CADPS2: variants seen among roughly 807,000 people sequenced by gnomAD.
CADPS2 encodes calcium-dependent secretion activator 2.
CADPS2 carries 93 observed loss-of-function variants against 172.5 expected under a neutral mutation model. The observed-to-expected ratio is 0.54, with a 90% CI of 0.46 to 0.64. The LOEUF is 0.64. CADPS2 is among the 30% of genes least tolerant of loss of function. CADPS2 has a pLI of 0.00. For synonymous variants in CADPS2, 546 were observed against 555.2 expected (o/e 0.98, Z 0.23); for missense variants, 1,420 against 1,565.9 (o/e 0.91, Z 1.57).
chr7:122,763,602 T>G (rs1278493680), intron 1 of CADPS2, among the ~76,000 whole-genome samples: 1 of 152,178 alleles, frequency 6.6e-6, no homozygotes, highest in Non-Finnish European at 1.5e-5. Context: ...TTAAGGGTCT[T>G]TGTCCATTTT....
intron 2 of CADPS2, among the ~76,000 whole-genome samples, chr7:122,720,332 G>A (rs2090209563): frequency 6.6e-6 from 1 of 151,766 alleles, no homozygotes; most frequent in Admixed American, 6.6e-5. Context: ...TAGTATTAAT[G>A]CTGTAATTGT....
chr7:122,320,760 G>C (rs2032263293), intron 29 of CADPS2, among the ~76,000 whole-genome samples: 1 of 152,070 alleles, frequency 6.6e-6, no homozygotes, highest in African/African-American at 2.4e-5. Context: ...TTAATTTTGA[G>C]GGGTCAGTTG....
chr7:122,702,511 T>C, intron 2 of CADPS2: 1 of 1,613,632 alleles, frequency 6.2e-7, no homozygotes, highest in Non-Finnish European at 8.5e-7. Flanking sequence ...TCTGATTCCA[T>C]CCTTCAGGAA....
chr7:122,614,881 T>C (rs1051225839), intron 6 of CADPS2, among the ~76,000 whole-genome samples: 4 of 152,326 alleles, frequency 2.6e-5, no homozygotes, highest in Admixed American at 6.5e-5. Flanking sequence ...AAATAACACA[T>C]GGTGATAAAA....
intron 17 of CADPS2, among the ~76,000 whole-genome samples, chr7:122,433,754 T>C (rs567027220): frequency 6.6e-6 from 1 of 152,334 alleles, no homozygotes; most frequent in South Asian, 2.1e-4. Context: ...GTATATTTCC[T>C]AGAGTTGCCG....
chr7:122,390,030 C>T (rs530336642), intron 22 of CADPS2, among the ~76,000 whole-genome samples: 1 of 152,054 alleles, frequency 6.6e-6, no homozygotes, highest in Non-Finnish European at 1.5e-5. Context: ...CTGGCCTCAG[C>T]GTCAAAGCTC....
In CADPS2 at chr7:122,653,002, C is replaced by CT. The variant is rs2079340794; in HGVS notation, c.786+10234dup. Among the ~76,000 whole-genome samples the CT allele has an allele frequency of 2.0e-5, 3 of 152,074 alleles. No individual in the cohort carries two copies. In the South Asian group the frequency reaches 6.2e-4, roughly 31 times the overall value. Reference sequence around the variant, plus strand: ...ATAGCCTTTTTCAGAAGAGAGTTTCCTGTTTTTCCACTCCTGATGCTAATC... The same window carrying CT: ...ATAGCCTTTTTCAGAAGAGAGTTTCCTTGTTTTTCCACTCCTGATGCTAATC... On this transcript the variant is annotated intron_variant, in intron 3 of 29. Transcript: ENST00000449022.
At chr7:122,604,125 C>T (rs576093639) in intron 6 of CADPS2, among the ~76,000 whole-genome samples, 2 of 152,194 alleles carry the variant, frequency 1.3e-5, no homozygotes, top group African/African-American at 4.8e-5. Context: ...CCTTATCTTT[C>T]ATTCAATGTA....
intron 6 of CADPS2, among the ~76,000 whole-genome samples, chr7:122,603,034 C>A (rs10282152): frequency 6.6e-6 from 1 of 151,770 alleles, no homozygotes; most frequent in Non-Finnish European, 1.5e-5. Context: ...GATCCTTTGA[C>A]GGCTACACTT....
At chr7:122,426,600 T>C (rs141768842) in intron 17 of CADPS2, among the ~76,000 whole-genome samples, 1 of 152,370 alleles carries the variant, frequency 6.6e-6, no homozygotes, top group Non-Finnish European at 1.5e-5. Flanking sequence ...ATAAACCCTG[T>C]TGATAAATAC....
At chr7:122,566,138 G>A (rs1295023264) in intron 7 of CADPS2, among the ~76,000 whole-genome samples, 1 of 152,092 alleles carries the variant, frequency 6.6e-6, no homozygotes, top group Non-Finnish European at 1.5e-5. Context: ...AAATCCTACT[G>A]CATATATGAA....
At chr7:122,590,116 A>C (rs2070530287) in intron 6 of CADPS2, among the ~76,000 whole-genome samples, 1 of 151,920 alleles carries the variant, frequency 6.6e-6, no homozygotes, top group African/African-American at 2.4e-5. Flanking sequence ...CCTAAAATTC[A>C]TAAGGAATCT....
intron 6 of CADPS2, among the ~76,000 whole-genome samples, chr7:122,604,944 T>C (rs61594727): frequency 0.21 from 31,773 of 151,898 alleles, 3,545 homozygotes; most frequent in East Asian, 0.38. Context: ...AGTGTACTTA[T>C]ACAAACCTAG....
chr7:122,547,323 T>A lies in CADPS2; in HGVS notation c.1475+7227A>T, dbSNP rs573621379. On this transcript the variant is annotated intron_variant, in intron 8 of 29. Coordinates refer to ENST00000449022, the MANE Select transcript of CADPS2 (RefSeq NM_017954.11). ...ATTTCTTTTTAATACAGTCTTTAGA[T>A]TTATAGTCAAATTTAAATTTGTGAA... Among the ~76,000 whole-genome samples, 472 of 152,252 alleles carry A rather than the reference T, an allele frequency of 3.1e-3. 2 individuals carry two copies. The highest frequency in any genetic ancestry group is 4.7e-3 in the Non-Finnish European group (321 of 68,010).
intron 11 of CADPS2, among the ~76,000 whole-genome samples, chr7:122,487,656 G>T (rs1563482273): frequency 6.6e-6 from 1 of 152,158 alleles, no homozygotes; most frequent in African/African-American, 2.4e-5. Flanking sequence ...AATAAAAAGA[G>T]CTCTATGGAA....
At chr7:122,755,742 G>A (rs1247956943) in intron 1 of CADPS2, among the ~76,000 whole-genome samples, 1 of 151,032 alleles carries the variant, frequency 6.6e-6, no homozygotes, top group Non-Finnish European at 1.5e-5. Context: ...AAAAAAAAAA[G>A]GGAAACTGAT....
At chr7:122,461,465 A>T (rs2054421057) in intron 14 of CADPS2, among the ~76,000 whole-genome samples, 1 of 152,234 alleles carries the variant, frequency 6.6e-6, no homozygotes, top group African/African-American at 2.4e-5. Flanking sequence ...ATCCATACAA[A>T]GAAACCTTAC....
rs146504351 is a variant in CADPS2, at chr7:122,359,647, C to G, written c.3504+1141G>C. 7.7e-4 allele frequency among the ~76,000 whole-genome samples: 117 copies of G among 152,214 alleles called. No individual in the cohort carries two copies. The East Asian group carries it at 0.013, about 17-fold the overall frequency. On this transcript the variant is annotated intron_variant, in intron 27 of 29. Coordinates refer to ENST00000449022, the MANE Select transcript of CADPS2 (RefSeq NM_017954.11). ...TAAGATATCAAACATAAAATCTCCC[C>G]TTAATTCTCCCTTTCATGCTGCTGC...
chr7:122,649,951 G>A (rs1267359402), intron 3 of CADPS2, among the ~76,000 whole-genome samples: 11 of 102,464 alleles, frequency 1.1e-4, no homozygotes, highest in East Asian at 3.8e-4. Context: ...TTTGTCCAGC[G>A]CAGGCTGGAG....
Sources: gnomAD v4.1 joint callset for allele counts (sites outside exome capture counted in the v4.1 genomes callset) on GRCh38, gnomAD v4.1.1 for gene constraint, MANE v1.5 for transcripts, NCBI Gene and HGNC (gene_info 2026-07-23, HGNC 2026-07-21) for gene names.